The following NEGR1 variants were observed in gnomAD, a reference collection of about 807,000 sequenced individuals.
NEGR1 encodes the protein IgLON family member 4.
In NEGR1, 10 loss-of-function variants were observed where a neutral mutation model predicts 40.9. The observed-to-expected ratio is 0.24, with a 90% CI of 0.15 to 0.42. The LOEUF (loss-of-function observed/expected upper bound fraction) is 0.42. Ranked by LOEUF, NEGR1 falls within the 10% of genes least tolerant of loss-of-function variation. The pLI, the probability that NEGR1 is intolerant of heterozygous loss-of-function variation, is 1.00. For synonymous variants in NEGR1, 185 were observed against 166.8 expected, an observed-to-expected ratio of 1.11 and a Z score of -0.84; for missense variants, 352 against 438.9, an observed-to-expected ratio of 0.80 and a Z score of 1.77.
At chr1:71,901,402 C>G (rs567978290) in intron 2 of NEGR1, among the ~76,000 whole-genome samples, 9 of 152,102 alleles carry the variant, frequency 5.9e-5, no homozygotes, top group African/African-American at 2.2e-4. Flanking sequence ...GAATGTAGGC[C>G]CCATGAGAGC....
chr1:71,437,489 G>C (rs191095758), intron 6 of NEGR1, among the ~76,000 whole-genome samples: 2 of 151,888 alleles, frequency 1.3e-5, no homozygotes, highest in Non-Finnish European at 2.9e-5. Context: ...CTTACCTATC[G>C]TAAATAATGG....
chr1:71,646,013 A>C (rs1258500122), intron 4 of NEGR1, among the ~76,000 whole-genome samples: 3 of 151,742 alleles, frequency 2.0e-5, no homozygotes, highest in Non-Finnish European at 4.4e-5. Context: ...AAGAAGTGGA[A>C]ATACTAGTGA....
intron 2 of NEGR1, among the ~76,000 whole-genome samples, chr1:71,832,291 C>G (rs531451331): frequency 6.6e-6 from 1 of 151,964 alleles, no homozygotes. Context: ...ACCAGACGAT[C>G]AAAGTGAGAC....
intron 1 of NEGR1, chr1:72,274,756 T>C (rs1655980313): frequency 5.0e-6 from 6 of 1,188,924 alleles, no homozygotes; most frequent in South Asian, 2.4e-5. Context: ...AATTGCTTGC[T>C]GTAAGCAGTT....
At chr1:71,631,960 T>C (rs1341542657) in intron 4 of NEGR1, among the ~76,000 whole-genome samples, 20 of 151,788 alleles carry the variant, frequency 1.3e-4, no homozygotes. Context: ...AGTATGTTAA[T>C]GTTTTAATAC....
chr1:71,982,971 G>A (rs1008487440), intron 1 of NEGR1, among the ~76,000 whole-genome samples: 2 of 152,026 alleles, frequency 1.3e-5, no homozygotes, highest in African/African-American at 4.8e-5. Context: ...TCTTTCTCGG[G>A]TGTTGATGTA....
At chr1:71,813,786 AT>A (rs2101766025) in intron 2 of NEGR1, among the ~76,000 whole-genome samples, 1 of 152,174 alleles carries the variant, frequency 6.6e-6, no homozygotes, top group Admixed American at 6.5e-5. Flanking sequence ...TTAATTTTGT[AT>A]CCTGAAATTT....
chr1:71,658,010 C>A (rs1474570631), intron 4 of NEGR1, among the ~76,000 whole-genome samples: 1 of 152,158 alleles, frequency 6.6e-6, no homozygotes, highest in Non-Finnish European at 1.5e-5. Context: ...AATGACTTAT[C>A]TTTTTAATAA....
chr1:71,593,728 T>C lies in NEGR1; in HGVS notation c.789-760A>G, dbSNP rs140544595. Reference sequence around the variant, plus strand: ...GCTGACATGGCTTCACCATTCTCAATGCATGTTGTACCTACTTCTGCTTCA... The same window carrying C: ...GCTGACATGGCTTCACCATTCTCAACGCATGTTGTACCTACTTCTGCTTCA... On this transcript the variant is annotated intron_variant, in intron 5 of 6. Coordinates refer to ENST00000357731, the MANE Select transcript of NEGR1 (RefSeq NM_173808.3). 4.6e-3 allele frequency among the ~76,000 whole-genome samples: 699 copies of C among 152,306 alleles called. 3 individuals are homozygous for C. Among genetic ancestry groups the C allele is most frequent in the African/African-American group, 0.015 (634 of 41,562 alleles).
In NEGR1 at chr1:71,698,050, C is replaced by T; in HGVS notation, c.625G>A (p.Val209Met). The change falls in exon 4 of 7, where the codon GTG becomes ATG. Residue 209 changes from valine (V) to methionine (M), a missense_variant. Transcript: ENST00000357731. ...GEYECSAEND[V>M]SFPDVRKVKV... is the part of the protein sequence containing the mutation. ...ACTTTCCTCACATCTGGGAATGACACATCATTTTCCGCACTGCATTCATAT... is the reference window on the plus strand; with the variant it reads ...ACTTTCCTCACATCTGGGAATGACATATCATTTTCCGCACTGCATTCATAT... The T allele has an allele frequency of 1.9e-6, 3 of 1,611,474 alleles. No homozygotes were observed. The highest frequency in any genetic ancestry group is 2.5e-6 in the Non-Finnish European group (3 of 1,178,154).
At chr1:71,559,651 T>C (rs912618371) in intron 6 of NEGR1, among the ~76,000 whole-genome samples, 1 of 151,530 alleles carries the variant, frequency 6.6e-6, no homozygotes, top group African/African-American at 2.4e-5. Flanking sequence ...CAAATTAAAA[T>C]AACACTTTAA....
At chr1:72,181,384 ACTTTCTTTGT>A (rs1412426522) in intron 1 of NEGR1, among the ~76,000 whole-genome samples, 2 of 152,040 alleles carry the variant, frequency 1.3e-5, no homozygotes, top group Non-Finnish European at 2.9e-5. Context: ...TCACTCTTGC[ACTTTCTTTGT>A]CCATGCTATA....
At chr1:71,723,019 A>G (rs542566713) in intron 3 of NEGR1, among the ~76,000 whole-genome samples, 1 of 130,090 alleles carries the variant, frequency 7.7e-6, no homozygotes, top group East Asian at 2.9e-4. Flanking sequence ...TACTTTTCCT[A>G]GAAAGTTTCT....
chr1:71,591,699 C>T (rs1399051362), intron 6 of NEGR1, among the ~76,000 whole-genome samples: 1 of 151,982 alleles, frequency 6.6e-6, no homozygotes, highest in Non-Finnish European at 1.5e-5. Flanking sequence ...GTTTTTCTTT[C>T]AAATCGAGTG....
At chr1:72,090,624 T>C (rs567040358) in intron 1 of NEGR1, among the ~76,000 whole-genome samples, 23 of 152,126 alleles carry the variant, frequency 1.5e-4, no homozygotes, top group Non-Finnish European at 2.1e-4. Flanking sequence ...TTGGATAATT[T>C]TTTTTTTAAA....
intron 4 of NEGR1, among the ~76,000 whole-genome samples, chr1:71,632,658 C>T (rs1651013808): frequency 6.6e-6 from 1 of 151,670 alleles, no homozygotes; most frequent in Non-Finnish European, 1.5e-5. Flanking sequence ...GTACATTATG[C>T]CTCTAAGATA....
intron 1 of NEGR1, among the ~76,000 whole-genome samples, chr1:72,187,089 G>A (rs2100422275): frequency 6.6e-6 from 1 of 151,582 alleles, no homozygotes; most frequent in South Asian, 2.1e-4. Context: ...GGCTGATAAT[G>A]TACTTTCTCC....
chr1:72,026,147 CATAATTAAAGCAGATGGCTCATTGG>C (rs1646807777), intron 1 of NEGR1, among the ~76,000 whole-genome samples: 1 of 98,568 alleles, frequency 1.0e-5, no homozygotes, highest in African/African-American at 3.7e-5. Context: ...AAAAAAATGA[CATAATTAAAGCAGATGGCTCATTGG>C]ATCAAATAAA....
At chr1:71,519,977 A>C (rs1363323456) in intron 6 of NEGR1, among the ~76,000 whole-genome samples, 1 of 152,206 alleles carries the variant, frequency 6.6e-6, no homozygotes, top group East Asian at 1.9e-4. Context: ...AATATCTAGT[A>C]AAATGATTAT....
Sources: gnomAD v4.1 joint callset for allele counts (sites outside exome capture counted in the v4.1 genomes callset) on GRCh38, gnomAD v4.1.1 for gene constraint, MANE v1.5 for transcripts, NCBI Gene and HGNC (gene_info 2026-07-23, HGNC 2026-07-21) for gene names.